The following MMP26 variants were observed in gnomAD, a reference collection of about 807,000 sequenced individuals.
The protein encoded by MMP26 is matrix metalloproteinase-26.
In MMP26, 33 loss-of-function variants were observed where a neutral mutation model predicts 31.0. That is an observed-to-expected ratio of 1.06 (90% confidence interval 0.81 to 1.42). MMP26 has a LOEUF of 1.42. MMP26 is among the 40% of genes most tolerant of loss of function. The pLI, the probability that MMP26 is intolerant of heterozygous loss-of-function variation, is 0.00. For missense variants in MMP26, 347 were observed against 316.1 expected (o/e 1.10, Z -0.74); for synonymous variants, 122 against 114.9 (o/e 1.06, Z -0.40).
intron 1 of MMP26, among the ~76,000 whole-genome samples, chr11:4,730,404 A>AGAGAGAGAGAGAGAG (rs1848157903): frequency 3.2e-4 from 47 of 145,048 alleles, no homozygotes; most frequent in African/African-American, 1.2e-3. Context: ...GTTTCTGGGA[A>AGAGAGAGAGAGAGAG]AGAGAGAGAG....
chr11:4,802,743 C>T (rs1849200422), intron 2 of MMP26, among the ~76,000 whole-genome samples: 1 of 152,122 alleles, frequency 6.6e-6, no homozygotes, highest in South Asian at 2.1e-4. Flanking sequence ...TCCTGAATTC[C>T]TTTCTTTACG....
chr11:4,776,149 G>A (rs1216107719), intron 2 of MMP26, among the ~76,000 whole-genome samples: 1 of 152,042 alleles, frequency 6.6e-6, no homozygotes, highest in Non-Finnish European at 1.5e-5. Context: ...TGACCAAGTA[G>A]TATTCCATTG....
At chr11:4,845,187 A>G (rs940779284) in intron 2 of MMP26, among the ~76,000 whole-genome samples, 5 of 152,174 alleles carry the variant, frequency 3.3e-5, no homozygotes, top group Non-Finnish European at 7.4e-5. Flanking sequence ...ATACCTAAAA[A>G]TTAATTGAAC....
At chr11:4,882,261 C>T (rs752002875) in intron 2 of MMP26, 1 of 1,613,942 alleles carries the variant, frequency 6.2e-7, no homozygotes. Flanking sequence ...GTAGCCATGG[C>T]CTTTGACCGC....
intron 5 of MMP26, among the ~76,000 whole-genome samples, chr11:4,991,057 A>G (rs1846993356): frequency 6.6e-6 from 1 of 151,960 alleles, no homozygotes; most frequent in Non-Finnish European, 1.5e-5. Context: ...ACTTATAAAA[A>G]CTTTCTGAGT....
intron 2 of MMP26, among the ~76,000 whole-genome samples, chr11:4,891,777 G>A (rs1398795186): frequency 1.3e-5 from 2 of 152,152 alleles, no homozygotes; most frequent in Non-Finnish European, 2.9e-5. Flanking sequence ...TTTCTCTATA[G>A]CTCAACATAC....
intron 2 of MMP26, among the ~76,000 whole-genome samples, chr11:4,805,316 C>T (rs192273567): frequency 2.3e-4 from 35 of 152,238 alleles, no homozygotes; most frequent in East Asian, 1.9e-4. Flanking sequence ...GTAGGTTTCT[C>T]CTAGACAAGA....
chr11:4,920,811 T>C (rs1386708500), intron 2 of MMP26, among the ~76,000 whole-genome samples: 1 of 152,178 alleles, frequency 6.6e-6, no homozygotes, highest in Non-Finnish European at 1.5e-5. Flanking sequence ...CCATAAAATA[T>C]TCAAAATGAG....
At position 4,924,198 on chromosome 11, in the gene MMP26, G is replaced by C. The variant is rs752577349; in HGVS notation, c.-144-63870G>C. 6.8e-5 allele frequency: 110 copies of C among 1,614,074 alleles called. No individual in the cohort carries two copies. The highest frequency in any genetic ancestry group is 8.6e-5 in the Non-Finnish European group (101 of 1,180,042). On this transcript the variant is annotated intron_variant, in intron 2 of 7. Coordinates refer to ENST00000380390, the MANE Select transcript of MMP26 (RefSeq NM_021801.5). ...GTGGCATCAGTACAAATGACGTGGA[G>C]AATGGTGAGGTTCCCCAAGATAACT...
intron 1 of MMP26, among the ~76,000 whole-genome samples, chr11:4,728,703 C>G (rs574517551): frequency 2.0e-5 from 3 of 152,194 alleles, no homozygotes; most frequent in Middle Eastern, 3.4e-3. Context: ...TAGTCTTCCC[C>G]TTTTTTTCTT....
chr11:4,854,242 T>C (rs1589920133), intron 2 of MMP26, among the ~76,000 whole-genome samples: 3 of 151,724 alleles, frequency 2.0e-5, no homozygotes, highest in Admixed American at 1.3e-4. Flanking sequence ...GGCCACAGAG[T>C]GTGAGCTGAA....
intron 2 of MMP26, among the ~76,000 whole-genome samples, chr11:4,792,856 C>T (rs1849049243): frequency 6.6e-6 from 1 of 152,096 alleles, no homozygotes; most frequent in African/African-American, 2.4e-5. Context: ...TTCGTTGTAT[C>T]AGAATTTACT....
chr11:4,803,572 T>C (rs770149953), intron 2 of MMP26: 12 of 1,613,774 alleles, frequency 7.4e-6, no homozygotes, highest in Middle Eastern at 1.6e-4. Flanking sequence ...TCGGGGCACA[T>C]CATGGCCAAA....
chr11:4,821,708 T>C lies in MMP26; in HGVS notation c.-145+54367T>C, dbSNP rs529117112. 3.7e-6 allele frequency: 6 copies of C among 1,614,056 alleles called. No homozygotes were observed. Among genetic ancestry groups the C allele is most frequent in the South Asian group, 3.3e-5 (3 of 91,082 alleles). On this transcript the variant is annotated intron_variant, in intron 2 of 7. Transcript: ENST00000380390. ...TGGTTTGAAGCCCGAGAAATCAACC[T>C]AAATGCCTGCATTGCCCAGATGTTC...
chr11:4,911,597 A>G (rs1850992721), intron 2 of MMP26, among the ~76,000 whole-genome samples: 1 of 152,164 alleles, frequency 6.6e-6, no homozygotes, highest in East Asian at 1.9e-4. Flanking sequence ...GTTCATTTCT[A>G]CTTCAGGACT....
chr11:4,843,626 C>T (rs1849826933), intron 2 of MMP26, among the ~76,000 whole-genome samples: 1 of 152,254 alleles, frequency 6.6e-6, no homozygotes, highest in Non-Finnish European at 1.5e-5. Flanking sequence ...CCTCCTTGGC[C>T]TCCAGGCCTG....
At chr11:4,910,909 G>A (rs1318931762) in intron 2 of MMP26, among the ~76,000 whole-genome samples, 1 of 152,052 alleles carries the variant, frequency 6.6e-6, no homozygotes, top group African/African-American at 2.4e-5. Flanking sequence ...ATTATAATAT[G>A]TCAATCATAT....
intron 2 of MMP26, among the ~76,000 whole-genome samples, chr11:4,771,100 G>A (rs1026901387): frequency 1.3e-5 from 2 of 152,202 alleles, no homozygotes; most frequent in Admixed American, 1.3e-4. Context: ...CATGTCTAAA[G>A]AAGGGGTATC....
At chr11:4,915,253 A>G in intron 2 of MMP26, 1 of 1,614,044 alleles carries the variant, frequency 6.2e-7, no homozygotes, top group South Asian at 1.1e-5. Flanking sequence ...GAATGGAAAC[A>G]TAGTGCAAGG....
Sources: allele counts gnomAD v4.1 joint callset (sites outside exome capture counted in the v4.1 genomes callset), GRCh38; gene constraint gnomAD v4.1.1; transcripts MANE v1.5; gene names NCBI Gene and HGNC (gene_info 2026-07-23, HGNC 2026-07-21).